COLEC10: variants seen among roughly 807,000 people sequenced by gnomAD.
COLEC10 encodes collectin subfamily member 10.
Under a neutral mutation model 28.4 loss-of-function variants are expected in COLEC10, and 22 were observed. The observed-to-expected ratio is 0.78, with a 90% CI of 0.55 to 1.11. COLEC10 has a LOEUF of 1.11. Ranked by LOEUF, COLEC10 falls within the 50% of genes least tolerant of loss-of-function variation. The probability of loss-of-function intolerance (pLI) is 0.00; values close to 1 mark genes in which losing one functional copy is unlikely to be tolerated. For synonymous variants in COLEC10, 125 were observed against 116.1 expected (o/e 1.08, Z -0.49); for missense variants, 361 against 344.1 (o/e 1.05, Z -0.39).
intron 3 of COLEC10, among the ~76,000 whole-genome samples, chr8:119,099,304 C>T (rs1283662457): frequency 1.3e-5 from 2 of 151,984 alleles, no homozygotes; most frequent in Non-Finnish European, 2.9e-5. Context: ...AAGTACTTGG[C>T]ATGCATTCCT....
chr8:119,053,836 A>G (rs1165232322), intron 2 of COLEC10, among the ~76,000 whole-genome samples: 2 of 152,086 alleles, frequency 1.3e-5, no homozygotes, highest in Non-Finnish European at 2.9e-5. Context: ...CGGGGGATAC[A>G]TTCCAATTGG....
chr8:118,990,241 C>T, the COLEC10 span, among the ~76,000 whole-genome samples: 1 of 152,152 alleles, frequency 6.6e-6, no homozygotes, highest in South Asian at 2.1e-4. Flanking sequence ...ATAAAAACAA[C>T]ATATTTTCTT....
At chr8:119,028,784 A>G (rs1484565869) in intron 2 of COLEC10, among the ~76,000 whole-genome samples, 3 of 152,226 alleles carry the variant, frequency 2.0e-5, no homozygotes, top group Non-Finnish European at 4.4e-5. Flanking sequence ...TGGTCATGTC[A>G]TCTTAGGTAG....
intron 1 of COLEC10, among the ~76,000 whole-genome samples, chr8:119,088,666 T>A (rs1263754854): frequency 6.6e-6 from 1 of 152,236 alleles, no homozygotes; most frequent in Admixed American, 6.5e-5. Flanking sequence ...AATGCAGGTA[T>A]CTGGTCATAA....
rs564881013 is a variant in COLEC10, at chr8:119,106,246, T to G, written c.*55T>G. On this transcript the variant is annotated 3_prime_UTR_variant, in exon 6 of 6. Transcript: ENST00000332843. ...CCTGTGACCGTCATTACAGTTATTG[T>G]TATCCATCCTTTTTTTCCTGATTGT... The G allele has an allele frequency of 1.7e-3, 2,558 of 1,519,052 alleles. 6 individuals are homozygous for G. The highest frequency in any genetic ancestry group is 4.3e-3 in the South Asian group (338 of 78,322). 94.1% of individuals were successfully genotyped at this position (1,519,052 alleles called of 1,614,324 possible).
chr8:118,968,007 CAAG>C, the COLEC10 span, among the ~76,000 whole-genome samples: 1 of 151,888 alleles, frequency 6.6e-6, no homozygotes. Context: ...GAGGACATGA[CAAG>C]AAAATGACAG....
At chr8:118,958,238 C>T in the COLEC10 span, among the ~76,000 whole-genome samples, 1 of 152,180 alleles carries the variant, frequency 6.6e-6, no homozygotes, top group South Asian at 2.1e-4. Flanking sequence ...CTGTAGGCTC[C>T]ACATGGCATT....
intron 1 of COLEC10, among the ~76,000 whole-genome samples, chr8:119,072,079 G>T (rs1462976515): frequency 1.3e-5 from 2 of 152,162 alleles, no homozygotes; most frequent in East Asian, 3.9e-4. Flanking sequence ...CTAACACACT[G>T]CTGCCTCCTT....
In COLEC10 at chr8:119,036,471, G is replaced by A. The variant is rs998667249; in HGVS notation, n.235+26918G>A. ...TGTAAATTATTGTTATGCAATTGCC[G>A]AATCCAATAGTAAGTATATTGAACA... On this transcript the variant is annotated intron_variant and non_coding_transcript_variant, in intron 2 of 6. Transcript: ENST00000521788. Among the ~76,000 whole-genome samples, 25 of 152,178 alleles carry A rather than the reference G, an allele frequency of 1.6e-4. No individual in the cohort carries two copies. In the South Asian group the frequency reaches 2.3e-3, roughly 14 times the overall value.
intron 3 of COLEC10, among the ~76,000 whole-genome samples, chr8:119,095,460 C>T (rs138321370): frequency 0.044 from 6,767 of 152,126 alleles, 195 homozygotes; most frequent in Middle Eastern, 0.095. Flanking sequence ...CCTAGCACTT[C>T]GGGGGGCCGA....
intron 1 of COLEC10, among the ~76,000 whole-genome samples, chr8:119,087,603 A>C (rs1161712453): frequency 6.6e-6 from 1 of 152,118 alleles, no homozygotes; most frequent in Non-Finnish European, 1.5e-5. Context: ...TTAAGTAATA[A>C]GCTGTTTTTT....
intron 2 of COLEC10, among the ~76,000 whole-genome samples, chr8:119,050,590 TA>T (rs1233271534): frequency 6.6e-6 from 1 of 152,244 alleles, no homozygotes; most frequent in Non-Finnish European, 1.5e-5. Flanking sequence ...TCTACTTTAG[TA>T]AAGCTGTTAT....
chr8:119,103,697 C>A, intron 4 of COLEC10, 103 bp from the exon 5 acceptor site: 1 of 710,624 alleles, frequency 1.4e-6, no homozygotes, highest in East Asian at 2.6e-5. Flanking sequence ...ATATATAGAA[C>A]CAGACTAGAA....
the COLEC10 span, among the ~76,000 whole-genome samples, chr8:118,973,933 G>A: frequency 6.6e-6 from 1 of 151,794 alleles, no homozygotes. Flanking sequence ...ACTCACTTTG[G>A]TCTGGAAGTA....
At chr8:119,021,970 T>G (rs1249524330) in intron 2 of COLEC10, among the ~76,000 whole-genome samples, 6 of 152,134 alleles carry the variant, frequency 3.9e-5, no homozygotes, top group Non-Finnish European at 7.4e-5. Flanking sequence ...TTAGACAACA[T>G]AATTATTACC....
At chr8:119,094,270 T>G (rs1479312085) in intron 3 of COLEC10, among the ~76,000 whole-genome samples, 2 of 152,104 alleles carry the variant, frequency 1.3e-5, no homozygotes, top group Non-Finnish European at 2.9e-5. Context: ...AGTTTCCAAA[T>G]CTAACAGCTT....
At chr8:118,994,122 A>G (rs377652291), upstream of COLEC10, among the ~76,000 whole-genome samples, 62 of 152,288 alleles carry the variant, frequency 4.1e-4, 1 homozygote, top group South Asian at 0.012. Flanking sequence ...AATAGCTTGG[A>G]TTCTCTTTTT....
At chr8:119,079,786 G>A (rs1191390914) in intron 1 of COLEC10, among the ~76,000 whole-genome samples, 1 of 151,678 alleles carries the variant, frequency 6.6e-6, no homozygotes, top group African/African-American at 2.4e-5. Context: ...CTAGGTTGCA[G>A]AGGAACTAGC....
the COLEC10 span, among the ~76,000 whole-genome samples, chr8:118,970,845 G>A: frequency 3.3e-5 from 5 of 151,860 alleles, no homozygotes; most frequent in African/African-American, 9.7e-5. Context: ...CTTGATCAAT[G>A]AGCACAAGCA....
Sources: gnomAD v4.1 joint callset for allele counts (sites outside exome capture counted in the v4.1 genomes callset) on GRCh38, gnomAD v4.1.1 for gene constraint, MANE v1.5 for transcripts, NCBI Gene and HGNC (gene_info 2026-07-23, HGNC 2026-07-21) for gene names.